UBTD1: variants seen among roughly 807,000 people sequenced by gnomAD.
The protein encoded by UBTD1 is ubiquitin domain containing 1.
A neutral mutation model predicts 21.7 loss-of-function variants in UBTD1; 19 were observed. That is an observed-to-expected ratio of 0.87 (90% CI 0.61 to 1.28). The LOEUF (loss-of-function observed/expected upper bound fraction) is 1.28. Ranked by LOEUF, UBTD1 falls within the 50% of genes most tolerant of loss-of-function variation. UBTD1 has a pLI of 0.00. For missense variants in UBTD1, 282 were observed against 315.1 expected (o/e 0.89, Z 0.80); for synonymous variants, 116 against 135.1 (o/e 0.86, Z 0.98).
intron 1 of UBTD1, among the ~76,000 whole-genome samples, chr10:97,563,873 A>C (rs1422210214): frequency 6.6e-6 from 1 of 152,176 alleles, no homozygotes; most frequent in Non-Finnish European, 1.5e-5. Context: ...GAAAGGATGT[A>C]TTAGGCTTAT....
chr10:97,520,948 G>C (rs1272370009), intron 1 of UBTD1, among the ~76,000 whole-genome samples: 2 of 152,152 alleles, frequency 1.3e-5, no homozygotes, highest in Non-Finnish European at 2.9e-5. Context: ...TGTCTGCTGT[G>C]ACCTTCTTCC....
At chr10:97,526,869 A>AG (rs2040491124) in intron 1 of UBTD1, among the ~76,000 whole-genome samples, 1 of 150,416 alleles carries the variant, frequency 6.6e-6, no homozygotes, top group South Asian at 2.1e-4. Context: ...AAAAAAAAAA[A>AG]AAAAAGAAAT....
intron 1 of UBTD1, among the ~76,000 whole-genome samples, chr10:97,549,188 C>T (rs1046526683): frequency 6.6e-6 from 1 of 152,226 alleles, no homozygotes; most frequent in African/African-American, 2.4e-5. Flanking sequence ...CCGGGCCTGC[C>T]TCCTCCAGCA....
chr10:97,558,398 G>A (rs2082863295), intron 1 of UBTD1, among the ~76,000 whole-genome samples: 1 of 152,188 alleles, frequency 6.6e-6, no homozygotes, highest in Non-Finnish European at 1.5e-5. Flanking sequence ...GCATACTTTA[G>A]GTTTTGCTTA....
chr10:97,502,939 G>C (rs1266124411), intron 1 of UBTD1, among the ~76,000 whole-genome samples: 2 of 148,124 alleles, frequency 1.4e-5, no homozygotes, highest in African/African-American at 2.5e-5. Context: ...TTTTGAGAGA[G>C]AGGGTCTTGT....
intron 1 of UBTD1, among the ~76,000 whole-genome samples, chr10:97,528,724 ACCCCCCCCACCTCCCTCCCGGACGGGGC>A (rs2040507221): frequency 1.3e-4 from 1 of 7,774 alleles, no homozygotes; most frequent in Non-Finnish European, 2.4e-4. Context: ...CGGGGGGCTG[ACCCCCCCCACCTCCCTCCCGGACGGGGC>A]GGCTGGCCGG....
chr10:97,505,429 T>C (rs1420776889), intron 1 of UBTD1, among the ~76,000 whole-genome samples: 1 of 152,210 alleles, frequency 6.6e-6, no homozygotes, highest in Non-Finnish European at 1.5e-5. Context: ...TGCCACTTTC[T>C]TGAGTGGTAA....
intron 1 of UBTD1, among the ~76,000 whole-genome samples, chr10:97,550,460 G>C (rs1443877299): frequency 6.6e-6 from 1 of 151,946 alleles, no homozygotes; most frequent in Non-Finnish European, 1.5e-5. Context: ...TTGAAGGAGG[G>C]GCCAGCCCGC....
chr10:97,551,169 T>C (rs2040635596), intron 1 of UBTD1, among the ~76,000 whole-genome samples: 1 of 152,216 alleles, frequency 6.6e-6, no homozygotes, highest in Admixed American at 6.5e-5. Flanking sequence ...GAGATCCTAA[T>C]ACGGGAGGTT....
intron 1 of UBTD1, among the ~76,000 whole-genome samples, chr10:97,561,951 T>A (rs1057258829): frequency 6.6e-6 from 1 of 152,160 alleles, no homozygotes; most frequent in African/African-American, 2.4e-5. Flanking sequence ...AAAAATAAAA[T>A]TCTAAGTCCT....
At chr10:97,555,562 T>C (rs1163700733) in intron 1 of UBTD1, among the ~76,000 whole-genome samples, 1 of 152,154 alleles carries the variant, frequency 6.6e-6, no homozygotes, top group East Asian at 1.9e-4. Flanking sequence ...TGCCTTAAAA[T>C]CCGAGCTCCC....
intron 1 of UBTD1, among the ~76,000 whole-genome samples, chr10:97,547,577 T>TC (rs1302485148): frequency 6.6e-6 from 1 of 152,174 alleles, no homozygotes; most frequent in East Asian, 1.9e-4. Context: ...TCTTTTCTTT[T>TC]TTTTTGAAAC....
chr10:97,543,980 C>T (rs1013042549), intron 1 of UBTD1, among the ~76,000 whole-genome samples: 8 of 151,778 alleles, frequency 5.3e-5, no homozygotes, highest in African/African-American at 9.7e-5. Context: ...ATGGGTGAGA[C>T]GGTAAAGAAT....
intron 1 of UBTD1, among the ~76,000 whole-genome samples, chr10:97,518,040 T>C (rs1056265948): frequency 6.6e-6 from 1 of 152,180 alleles, no homozygotes; most frequent in African/African-American, 2.4e-5. Flanking sequence ...GGTGTTGGCC[T>C]CCTTGGCCTG....
chr10:97,533,878 A>G (rs1182605166), intron 1 of UBTD1, among the ~76,000 whole-genome samples: 1 of 150,904 alleles, frequency 6.6e-6, no homozygotes, highest in African/African-American at 2.4e-5. Context: ...AGCTGAGATC[A>G]CGCCACTGCA....
chr10:97,529,120 C>T (rs2040511771), intron 1 of UBTD1, among the ~76,000 whole-genome samples: 1 of 151,334 alleles, frequency 6.6e-6, no homozygotes, highest in Non-Finnish European at 1.5e-5. Context: ...CCTCACATCC[C>T]AGACGGGGCA....
At chr10:97,505,502 A>G (rs1252881659) in intron 1 of UBTD1, among the ~76,000 whole-genome samples, 3 of 152,216 alleles carry the variant, frequency 2.0e-5, no homozygotes. Flanking sequence ...TAATATTTCC[A>G]GTTTCCTTCA....
intron 1 of UBTD1, among the ~76,000 whole-genome samples, chr10:97,518,475 G>T (rs778284354): frequency 2.0e-5 from 3 of 152,220 alleles, no homozygotes; most frequent in Admixed American, 6.5e-5. Context: ...AGGAAGGCCT[G>T]GCTTCTATGT....
chr10:97,559,880 A>G (rs1486826258), intron 1 of UBTD1, among the ~76,000 whole-genome samples: 1 of 152,136 alleles, frequency 6.6e-6, no homozygotes, highest in Admixed American at 6.5e-5. Flanking sequence ...TAAAACATTA[A>G]TTTTTTTAAT....
Sources: allele counts gnomAD v4.1 joint callset (sites outside exome capture counted in the v4.1 genomes callset), GRCh38; gene constraint gnomAD v4.1.1; transcripts MANE v1.5; gene names NCBI Gene and HGNC (gene_info 2026-07-23, HGNC 2026-07-21).